The following CREBBP variants were observed in gnomAD, a reference collection of about 807,000 sequenced individuals.
CREBBP encodes the protein CREB binding lysine acetyltransferase.
A neutral mutation model predicts 265.0 loss-of-function variants in CREBBP; 19 were observed. The observed-to-expected ratio is 0.07, with a 90% CI of 0.05 to 0.11. CREBBP has a LOEUF of 0.11. CREBBP is among the 10% of genes least tolerant of loss of function. The pLI, the probability that CREBBP is intolerant of heterozygous loss-of-function variation, is 1.00. For missense variants in CREBBP, 2,525 were observed against 3,219.0 expected (o/e 0.78, Z 5.22); for synonymous variants, 1,457 against 1,223.7 (o/e 1.19, Z -3.98).
At chr16:3,819,396 G>A (rs576339734) in intron 2 of CREBBP, among the ~76,000 whole-genome samples, 1 of 152,350 alleles carries the variant, frequency 6.6e-6, no homozygotes, top group African/African-American at 2.4e-5. Context: ...AGTACTAGGG[G>A]TGAGGAGGTG....
At chr16:3,829,601 C>G (rs1456580326) in intron 2 of CREBBP, among the ~76,000 whole-genome samples, 3 of 152,292 alleles carry the variant, frequency 2.0e-5, no homozygotes, top group Admixed American at 6.5e-5. Flanking sequence ...GACCCCAAGG[C>G]CATGTCTAAG....
At chr16:3,834,337 A>G (rs2054400483) in intron 2 of CREBBP, among the ~76,000 whole-genome samples, 1 of 152,226 alleles carries the variant, frequency 6.6e-6, no homozygotes, top group Non-Finnish European at 1.5e-5. Context: ...ATAATTGCCA[A>G]AACTTGGAAG....
chr16:3,801,626 C>A (rs112649972), intron 3 of CREBBP, among the ~76,000 whole-genome samples: 1 of 151,998 alleles, frequency 6.6e-6, no homozygotes, highest in Admixed American at 6.6e-5. Flanking sequence ...GCAGAGATTG[C>A]GCCACTGCAC....
chr16:3,736,593 C>A, intron 27 of CREBBP, 57 bp downstream of exon 27: 1 of 1,611,482 alleles, frequency 6.2e-7, no homozygotes, highest in South Asian at 1.1e-5. Flanking sequence ...AAAAGGCACA[C>A]AAATATCCTC....
intron 1 of CREBBP, among the ~76,000 whole-genome samples, chr16:3,870,719 C>T (rs917192076): frequency 6.6e-6 from 1 of 152,204 alleles, no homozygotes; most frequent in African/African-American, 2.4e-5. Context: ...CCGGGTCAGG[C>T]TACATCATCT....
intron 21 of CREBBP, 197 bp from the exon 22 acceptor site, chr16:3,745,551 CTTT>C: frequency 1.6e-6 from 1 of 622,072 alleles, no homozygotes; most frequent in Non-Finnish European, 2.9e-6. Flanking sequence ...AAGCTTTCTT[CTTT>C]TGTTTGTACA....
chr16:3,735,892 T>C, intron 28 of CREBBP, 144 bp downstream of exon 28: 1 of 1,291,538 alleles, frequency 7.7e-7, no homozygotes, highest in South Asian at 1.2e-5. Flanking sequence ...ACCAACGCCC[T>C]GTGCTGCAGG....
At chr16:3,842,261 C>G (rs1439154774) in intron 2 of CREBBP, among the ~76,000 whole-genome samples, 1 of 152,130 alleles carries the variant, frequency 6.6e-6, no homozygotes, top group Non-Finnish European at 1.5e-5. Context: ...AGAATGCCTC[C>G]GGACCCCTTG....
intron 2 of CREBBP, among the ~76,000 whole-genome samples, chr16:3,844,449 T>G (rs535741244): frequency 1.3e-5 from 2 of 152,174 alleles, no homozygotes; most frequent in African/African-American, 4.8e-5. Context: ...AAAAAGAAAT[T>G]TGATAAAACC....
intron 1 of CREBBP, among the ~76,000 whole-genome samples, chr16:3,852,324 A>G (rs1389973345): frequency 1.3e-5 from 2 of 150,266 alleles, no homozygotes; most frequent in South Asian, 2.1e-4. Context: ...GCCCACCACC[A>G]TGCCCGGCTA....
At chr16:3,780,912 C>T in intron 7 of CREBBP, 34 bp from the exon 8 acceptor site, 6 of 1,610,892 alleles carry the variant, frequency 3.7e-6, no homozygotes, top group Non-Finnish European at 5.1e-6. Flanking sequence ...CATCCATCTA[C>T]TGAAGTGACT....
At chr16:3,831,071 C>A (rs758748567) in intron 2 of CREBBP, among the ~76,000 whole-genome samples, 1 of 152,300 alleles carries the variant, frequency 6.6e-6, no homozygotes, top group South Asian at 2.1e-4. Context: ...TGAGACACTG[C>A]GCCTGATCAT....
rs536538505 is a variant in CREBBP, at chr16:3,808,440, C to T, written c.975+2163G>A. Among the ~76,000 whole-genome samples, 100 of 152,338 alleles carry T rather than the reference C, an allele frequency of 6.6e-4. 1 individual carries two copies. Among genetic ancestry groups the T allele is most frequent in the African/African-American group, 2.2e-3 (93 of 41,574 alleles). On this transcript the variant is annotated intron_variant, in intron 3 of 30. Coordinates refer to ENST00000262367, the MANE Select transcript of CREBBP (RefSeq NM_004380.3). ...CTGCCCAACATCCTCTGGGGCACAA[C>T]CGGCTCACAGCAGAGAACTGCCATC... is the stretch of plus-strand genomic sequence containing the variant.
chr16:3,802,637 T>C (rs2053740811), intron 3 of CREBBP, among the ~76,000 whole-genome samples: 1 of 152,142 alleles, frequency 6.6e-6, no homozygotes, highest in African/African-American at 2.4e-5. Context: ...TTTTTTACTG[T>C]GTGTCCAAGA....
chr16:3,755,481 A>G (rs2052565332), intron 19 of CREBBP, among the ~76,000 whole-genome samples: 1 of 152,198 alleles, frequency 6.6e-6, no homozygotes, highest in Admixed American at 6.5e-5. Flanking sequence ...CTTGGCACAA[A>G]TGGTTTTTAA....
At chr16:3,877,439 A>G (rs181621731) in intron 1 of CREBBP, among the ~76,000 whole-genome samples, 191 of 152,032 alleles carry the variant, frequency 1.3e-3, no homozygotes, top group African/African-American at 4.2e-3. Context: ...GTCTCACTCC[A>G]TTACCCAGGC....
Position 3,755,904 on chromosome 16 carries a change from C to A in CREBBP, c.3698+1384G>T, listed in dbSNP as rs145444611. ...TACACTGAACAGTATTAGGAATAAG[C>A]AGGCCAGGCTTATTCCTAATAGAAA... On this transcript the variant is annotated intron_variant, in intron 19 of 30. Coordinates refer to ENST00000262367, the MANE Select transcript of CREBBP (RefSeq NM_004380.3). Among the ~76,000 whole-genome samples the A allele has an allele frequency of 3.8e-4, 58 of 152,200 alleles. 2 individuals carry two copies. The East Asian group carries it at 0.011, about 29-fold the overall frequency.
chr16:3,760,761 T>G (rs1199525278), intron 16 of CREBBP, among the ~76,000 whole-genome samples: 1 of 152,134 alleles, frequency 6.6e-6, no homozygotes, highest in East Asian at 1.9e-4. Context: ...ACGCCCAGGC[T>G]GGAGGGCAAT....
chr16:3,755,693 C>T (rs1213814052), intron 19 of CREBBP, among the ~76,000 whole-genome samples: 1 of 152,082 alleles, frequency 6.6e-6, no homozygotes, highest in African/African-American at 2.4e-5. Context: ...GGAGAGATCC[C>T]ATTAGGAAGG....
Sources: gnomAD v4.1 joint callset for allele counts (sites outside exome capture counted in the v4.1 genomes callset) on GRCh38, gnomAD v4.1.1 for gene constraint, MANE v1.5 for transcripts, NCBI Gene and HGNC (gene_info 2026-07-23, HGNC 2026-07-21) for gene names.